The following ARHGAP32 variants were observed in gnomAD, a reference collection of about 807,000 sequenced individuals.
The protein encoded by ARHGAP32 is rho GTPase-activating protein 32.
ARHGAP32 carries 51 observed loss-of-function variants against 186.5 expected under a neutral mutation model. The observed-to-expected ratio is 0.27, with a 90% CI of 0.22 to 0.35. The LOEUF is 0.35. Among genes scored for constraint, ARHGAP32 ranks in the 10% least tolerant of loss-of-function variants. ARHGAP32 has a pLI of 1.00. For synonymous variants in ARHGAP32, 950 were observed against 964.3 expected, an observed-to-expected ratio of 0.99 and a Z score of 0.27; for missense variants, 2,186 against 2,623.5, an observed-to-expected ratio of 0.83 and a Z score of 3.64.
intron 1 of ARHGAP32, among the ~76,000 whole-genome samples, chr11:129,271,171 G>A (rs1173859516): frequency 6.6e-6 from 1 of 152,190 alleles, no homozygotes; most frequent in African/African-American, 2.4e-5. Context: ...TTTGGCTCCC[G>A]TGTATGGTAA....
rs1367983610 is a variant in ARHGAP32, at chr11:129,164,322, T to G, written c.222A>C (p.Ala74=). ...CAATTGTATAAAACTGATTTACCAT[T>G]GCGCTAAGAGTTTCTTCCCAATCAG... ...ERPDWEETLS[A]MARGADVPEI... is the part of the protein sequence containing the mutation. Residue 74 remains alanine, a synonymous_variant, in exon 2 of 23, where the codon GCA becomes GCC. Coordinates refer to ENST00000682385, the MANE Select transcript of ARHGAP32 (RefSeq NM_001378024.1). 1 of 1,532,132 alleles carries G rather than the reference T, an allele frequency of 6.5e-7. No individual in the cohort carries two copies. The highest frequency in any genetic ancestry group is 1.4e-5 in the African/African-American group (1 of 72,752). The allele number at this position is 1,532,132 out of a possible 1,614,324, so 94.9% of individuals were successfully genotyped here. A position where few individuals can be genotyped will look rare whatever the true frequency, so the allele number is the denominator to read the frequency against.
At chr11:129,178,008 G>C (rs1591675549) in intron 1 of ARHGAP32, among the ~76,000 whole-genome samples, 4 of 150,938 alleles carry the variant, frequency 2.7e-5, no homozygotes, top group Admixed American at 6.6e-5. Flanking sequence ...AATTGTCCCT[G>C]TTTGCAGATG....
At chr11:128,987,726 GCA>G (rs966165405) in intron 13 of ARHGAP32, among the ~76,000 whole-genome samples, 8 of 152,038 alleles carry the variant, frequency 5.3e-5, no homozygotes, top group African/African-American at 1.9e-4. Context: ...TTATTATAAT[GCA>G]AATTTCCTCT....
Position 128,970,387 on chromosome 11 carries a change from C to T in ARHGAP32, c.4826G>A (p.Arg1609His), listed in dbSNP as rs747843373. The T allele has an allele frequency of 2.9e-5, 47 of 1,613,992 alleles. No homozygotes were observed. The highest frequency in any genetic ancestry group is 3.7e-5 in the Non-Finnish European group (44 of 1,180,038). ...TTCTGTCCGTGAAATGGGAACAGAG[C>T]GAATCATGGAAGACGGCGGAGCATG... ...SLHAPPSSMI[R>H]SVPISRTEVP... The change falls in exon 23 of 23, where the codon CGC (arginine) becomes CAC (histidine). Residue 1609 changes from arginine (R) to histidine (H), a missense_variant. Arg to His is a conservative substitution (Grantham distance 29, BLOSUM62 0). Transcript: ENST00000682385. The surrounding 1 kb of genome is among the most constrained non-coding windows in gnomAD (Gnocchi z 5.8).
chr11:129,101,153 C>T (rs1941886541), intron 5 of ARHGAP32, among the ~76,000 whole-genome samples: 2 of 152,122 alleles, frequency 1.3e-5, no homozygotes, highest in Admixed American at 1.3e-4. Context: ...AGCTGAATCC[C>T]CTTCATAACA....
At position 128,968,948 on chromosome 11, in the gene ARHGAP32, A is replaced by T; in HGVS notation, c.6265T>A (p.Leu2089Met). The change falls in exon 23 of 23, where the codon TTG becomes ATG. Residue 2089 changes from leucine to methionine, a missense_variant. This residue lies in a region of ARHGAP32 where 1,502 missense variants were observed against 1,570.0 expected (regional missense o/e 0.96). Coordinates refer to ENST00000682385, the MANE Select transcript of ARHGAP32 (RefSeq NM_001378024.1). The stretch of plus-strand genomic sequence containing the variant: ...TGTGTTTCAGGATGCTGCAAGGACA[A>T]CTCTGCGGGCAGGAAGGCCCCTTGA... ...LGQGAFLPAE[L>M]SLQHPETQIH... 1.3e-5 allele frequency: 20 copies of T among 1,558,600 alleles called. No homozygotes were observed. The highest frequency in any genetic ancestry group is 1.7e-5 in the Non-Finnish European group (20 of 1,148,030).
At chr11:129,105,368 T>A (rs1423855537) in intron 5 of ARHGAP32, among the ~76,000 whole-genome samples, 4 of 152,046 alleles carry the variant, frequency 2.6e-5, no homozygotes, top group African/African-American at 7.2e-5. Context: ...CTAGGATAAG[T>A]GTAACATGAA....
intron 8 of ARHGAP32, 115 bp downstream of exon 8, chr11:129,064,726 T>C: frequency 1.4e-6 from 1 of 739,818 alleles, no homozygotes; most frequent in South Asian, 1.9e-5. Context: ...GCTGAGAATA[T>C]ACTTCATTTC....
chr11:129,126,816 G>A (rs987460784), intron 2 of ARHGAP32, among the ~76,000 whole-genome samples: 3 of 151,768 alleles, frequency 2.0e-5, no homozygotes, highest in Non-Finnish European at 4.4e-5. Flanking sequence ...AATATTCTGC[G>A]ACAACCTGGA....
At chr11:129,219,064 A>C (rs976671058) in intron 1 of ARHGAP32, among the ~76,000 whole-genome samples, 1 of 152,214 alleles carries the variant, frequency 6.6e-6, no homozygotes, top group Non-Finnish European at 1.5e-5. Flanking sequence ...CAGCCACCCT[A>C]CATCAACCAG....
At chr11:129,233,560 C>A (rs1944886527) in intron 1 of ARHGAP32, among the ~76,000 whole-genome samples, 1 of 151,556 alleles carries the variant, frequency 6.6e-6, no homozygotes, top group African/African-American at 2.4e-5. Context: ...TTAGAGAAGT[C>A]ATGCACACAT....
At chr11:129,045,617 T>A (rs1459979682) in intron 10 of ARHGAP32, among the ~76,000 whole-genome samples, 1 of 152,220 alleles carries the variant, frequency 6.6e-6, no homozygotes, top group Non-Finnish European at 1.5e-5. Context: ...TTTCACCAAA[T>A]AGTAACAATT....
intron 1 of ARHGAP32, among the ~76,000 whole-genome samples, chr11:129,165,641 C>T (rs1943623214): frequency 6.6e-6 from 1 of 150,482 alleles, no homozygotes; most frequent in Admixed American, 6.7e-5. Flanking sequence ...ACCAGAAAGA[C>T]TCACATTTCA....
chr11:128,974,973 G>A lies in ARHGAP32; in HGVS notation c.2224C>T (p.Pro742Ser). Residue 742 changes from proline to serine, a missense_variant, in exon 21 of 23, where the codon CCC (proline) becomes TCC (serine). Transcript: ENST00000682385. ...GACAGTGCATCACTGGAAGATCTGG[G>A]TCTTCTGGGTCGGAAGAGCTTAGAA... is the stretch of plus-strand genomic sequence containing the variant. ...GDSKLFRPRRPRSSSDALSAS... is the reference protein window; with the variant it reads ...GDSKLFRPRRSRSSSDALSAS... 3 of 1,611,110 alleles carry A rather than the reference G, an allele frequency of 1.9e-6. No individual in the cohort carries two copies. Among genetic ancestry groups the A allele is most frequent in the Non-Finnish European group, 2.5e-6 (3 of 1,178,944 alleles).
intron 6 of ARHGAP32, among the ~76,000 whole-genome samples, chr11:129,087,741 C>T (rs1308157157): frequency 6.6e-6 from 1 of 152,004 alleles, no homozygotes; most frequent in South Asian, 2.1e-4. Context: ...TAAAGTTGGG[C>T]GATAATGATG....
chr11:129,275,299 T>A (rs937058368), intron 1 of ARHGAP32, among the ~76,000 whole-genome samples: 1 of 152,212 alleles, frequency 6.6e-6, no homozygotes, highest in African/African-American at 2.4e-5. Flanking sequence ...TGTCAGAGAT[T>A]GTGTTAAGCC....
intron 1 of ARHGAP32, among the ~76,000 whole-genome samples, chr11:129,200,997 T>G (rs1304060096): frequency 6.6e-6 from 1 of 152,170 alleles, no homozygotes; most frequent in Non-Finnish European, 1.5e-5. Context: ...AGTAAGTTAT[T>G]TTCTAATTAT....
chr11:129,039,039 G>A (rs911711203), intron 11 of ARHGAP32, among the ~76,000 whole-genome samples: 2 of 152,044 alleles, frequency 1.3e-5, no homozygotes, highest in Non-Finnish European at 2.9e-5. Context: ...AATCCACAGT[G>A]AGATACTACT....
At chr11:129,155,945 C>T (rs1007989118) in intron 2 of ARHGAP32, among the ~76,000 whole-genome samples, 3 of 152,180 alleles carry the variant, frequency 2.0e-5, no homozygotes, top group East Asian at 1.9e-4. Context: ...CAGAGTGGGG[C>T]GTTGCCTCAC....
Sources: allele counts gnomAD v4.1 joint callset (sites outside exome capture counted in the v4.1 genomes callset), GRCh38; gene constraint gnomAD v4.1.1; regional missense constraint gnomAD v4.1.1; non-coding constraint Gnocchi (gnomAD v3.1); transcripts MANE v1.5; gene names NCBI Gene and HGNC (gene_info 2026-07-23, HGNC 2026-07-21).